PRPF38A: variants seen among roughly 807,000 people sequenced by gnomAD.
PRPF38A encodes the protein pre-mRNA processing factor 38A.
Under a neutral mutation model 46.8 loss-of-function variants are expected in PRPF38A, and 11 were observed. The ratio of observed to expected loss-of-function variants is 0.24; its 90% CI spans 0.15 to 0.39. The LOEUF (loss-of-function observed/expected upper bound fraction) is 0.39. Among genes scored for constraint, PRPF38A ranks in the 10% least tolerant of loss-of-function variants. PRPF38A has a pLI of 1.00. For missense variants in PRPF38A, 261 were observed against 407.5 expected, an observed-to-expected ratio of 0.64 and a Z score of 3.10; for synonymous variants, 124 against 136.2, an observed-to-expected ratio of 0.91 and a Z score of 0.62.
At chr1:52,412,290 A>G (rs1295730267) in intron 4 of PRPF38A, among the ~76,000 whole-genome samples, 2 of 152,208 alleles carry the variant, frequency 1.3e-5, no homozygotes, top group African/African-American at 4.8e-5. Flanking sequence ...GGTACAGGGA[A>G]TAGAGTCAAT....
chr1:52,406,267 C>T (rs1399154647), intron 2 of PRPF38A, among the ~76,000 whole-genome samples: 1 of 152,162 alleles, frequency 6.6e-6, no homozygotes, highest in Non-Finnish European at 1.5e-5. Context: ...GCTGGGATTA[C>T]AGGCATGAGC....
rs780524732 is a variant in PRPF38A, at chr1:52,404,819, A to G, written c.70A>G (p.Ile24Val). The G allele has an allele frequency of 1.2e-6, 2 of 1,614,142 alleles. No homozygotes were observed. The highest frequency in any genetic ancestry group is 1.7e-6 in the Non-Finnish European group (2 of 1,180,046). ...GTNPQYLVEK[I>V]IRTRIYESKY... ...CAACCCTCAATATCTGGTGGAGAAGATCATTCGAACGCGAATCTATGAGTC... is the reference window on the plus strand; with the variant it reads ...CAACCCTCAATATCTGGTGGAGAAGGTCATTCGAACGCGAATCTATGAGTC... The change falls in exon 1 of 10, where the codon ATC becomes GTC. Residue 24 changes from isoleucine (I) to valine (V), a missense_variant. Around this residue, in one of 2 missense-constraint regions of PRPF38A, gnomAD observed 81 missense variants for 186.5 expected, o/e 0.43. Coordinates refer to ENST00000257181, the MANE Select transcript of PRPF38A (RefSeq NM_032864.4).
chr1:52,407,703 T>G (rs1648037197), intron 2 of PRPF38A, among the ~76,000 whole-genome samples: 1 of 151,828 alleles, frequency 6.6e-6, no homozygotes, highest in African/African-American at 2.4e-5. Context: ...GGTGGATTGC[T>G]TGAGGTCAGG....
At chr1:52,411,300 T>C in intron 4 of PRPF38A, 100 bp downstream of exon 4, 1 of 773,294 alleles carries the variant, frequency 1.3e-6, no homozygotes, top group South Asian at 1.6e-5. Context: ...CCTGTGGATC[T>C]TATGGGTCCT....
rs201707621 is a variant in PRPF38A at position 52,415,362 on chromosome 1, G to A, written c.872G>A (p.Arg291Lys). 257 of 1,613,800 alleles carry A rather than the reference G, an allele frequency of 1.6e-4. No homozygotes were observed. Among genetic ancestry groups the A allele is most frequent in the Non-Finnish European group, 2.0e-4 (240 of 1,179,858 alleles). Residue 291 changes from arginine to lysine, a missense_variant, in exon 9 of 10, where the codon AGG becomes AAG. By Grantham distance (26) the Arg-to-Lys change is conservative (BLOSUM62 2). Transcript: ENST00000257181. ...GGTCATCACCGTAGTCACAGACACA[G>A]GAGCCACTCAAAGTCTCCCGAAAGG... ...SPGHHRSHRH[R>K]SHSKSPERSK... is the part of the protein sequence containing the mutation.
chr1:52,405,931 C>A, intron 2 of PRPF38A, 92 bp downstream of exon 2: 3 of 1,052,894 alleles, frequency 2.8e-6, no homozygotes, highest in Non-Finnish European at 4.3e-6. Context: ...CAATGTATCT[C>A]ATTTCTAGAG....
rs754992332 is a variant in PRPF38A at position 52,414,667 on chromosome 1, T to G, written c.749+20T>G. ...GAGAAGGTAGGCCTTCAGTCATTTG[T>G]GATGAAGGATAGGGCTTTGGGGAGG... On this transcript the variant is annotated intron_variant, in intron 7 of 9. Coordinates refer to ENST00000257181, the MANE Select transcript of PRPF38A (RefSeq NM_032864.4). 3 of 1,613,900 alleles carry G rather than the reference T, an allele frequency of 1.9e-6. No homozygotes were observed. In the South Asian group the frequency reaches 3.3e-5, roughly 18 times the overall value.
intron 2 of PRPF38A, among the ~76,000 whole-genome samples, chr1:52,406,788 C>A (rs1415551035): frequency 2.0e-5 from 3 of 152,194 alleles, no homozygotes; most frequent in African/African-American, 7.2e-5. Context: ...ACTTTCACAA[C>A]AACCTTCTAA....
intron 4 of PRPF38A, 103 bp downstream of exon 4, chr1:52,411,303 T>C (rs890950184): frequency 9.2e-5 from 70 of 757,908 alleles, no homozygotes; most frequent in Non-Finnish European, 1.4e-4. Flanking sequence ...GTGGATCTTA[T>C]GGGTCCTCTT....
At position 52,405,629 on chromosome 1, in the gene PRPF38A, A is replaced by G. The variant is rs574524018; in HGVS notation, c.131-51A>G. On this transcript the variant is annotated intron_variant, in intron 1 of 9. Coordinates refer to ENST00000257181, the MANE Select transcript of PRPF38A (RefSeq NM_032864.4). ...CAAAGCTTGAACTAACTCCACTCCA[A>G]CTAGGAAGAGCTTAGCCCTAATATG... is the stretch of plus-strand genomic sequence containing the variant. 1.3e-5 allele frequency: 21 copies of G among 1,582,254 alleles called. No individual in the cohort carries two copies. In the African/African-American group the frequency reaches 1.5e-4, roughly 11 times the overall value.
intron 9 of PRPF38A, 69 bp from the exon 10 acceptor site, chr1:52,416,579 G>C: frequency 8.0e-7 from 1 of 1,255,620 alleles, no homozygotes; most frequent in South Asian, 1.2e-5. Flanking sequence ...AAAGTGCTGG[G>C]ATTACAGGCG....
intron 5 of PRPF38A, among the ~76,000 whole-genome samples, 158 bp from the exon 6 acceptor site, chr1:52,413,721 A>C (rs2147958490): frequency 6.6e-6 from 1 of 152,302 alleles, no homozygotes; most frequent in Middle Eastern, 3.4e-3. Flanking sequence ...TTGTTAGTTA[A>C]TAGGGTAAGT....
intron 7 of PRPF38A, 46 bp from the exon 8 acceptor site, chr1:52,414,716 G>A (rs1311440797): frequency 3.7e-6 from 6 of 1,613,570 alleles, no homozygotes; most frequent in Non-Finnish European, 5.1e-6. Flanking sequence ...GGTGTTATAT[G>A]TATATTGCTA....
intron 1 of PRPF38A, 76 bp from the exon 2 acceptor site, chr1:52,405,604 C>A: frequency 7.0e-7 from 1 of 1,424,446 alleles, no homozygotes; most frequent in Non-Finnish European, 9.8e-7. Flanking sequence ...TTAGGAGAAC[C>A]AAAGCTTGAA....
chr1:52,405,974 T>C (rs1569971747), intron 2 of PRPF38A, 135 bp downstream of exon 2: 1 of 715,550 alleles, frequency 1.4e-6, no homozygotes. Flanking sequence ...TTTGAGCCCT[T>C]GAGTTTGTAT....
At chr1:52,409,651 C>T (rs563005175) in intron 3 of PRPF38A, 1 of 152,214 alleles carries the variant, frequency 6.6e-6, no homozygotes, top group South Asian at 2.1e-4. Flanking sequence ...CTTATTGATT[C>T]ATTCATTGAA....
At chr1:52,405,519 C>T (rs1332982601) in intron 1 of PRPF38A, among the ~76,000 whole-genome samples, 161 bp from the exon 2 acceptor site, 1 of 152,180 alleles carries the variant, frequency 6.6e-6, no homozygotes, top group Non-Finnish European at 1.5e-5. Flanking sequence ...TATCCATTCT[C>T]AATGTATATT....
chr1:52,406,864 TCAAA>T (rs1291392416), intron 2 of PRPF38A, among the ~76,000 whole-genome samples: 2 of 152,194 alleles, frequency 1.3e-5, no homozygotes, highest in African/African-American at 4.8e-5. Context: ...TTGCCCAAGT[TCAAA>T]CAGCTAGTAA....
chr1:52,412,132 T>G (rs554769387), intron 4 of PRPF38A, among the ~76,000 whole-genome samples: 1 of 152,280 alleles, frequency 6.6e-6, no homozygotes, highest in African/African-American at 2.4e-5. Context: ...TACTGGAGAT[T>G]TGGTACTACT....
Sources: gnomAD v4.1 joint callset for allele counts (sites outside exome capture counted in the v4.1 genomes callset) on GRCh38, gnomAD v4.1.1 for gene constraint, gnomAD v4.1.1 regional missense constraint, MANE v1.5 for transcripts, NCBI Gene and HGNC (gene_info 2026-07-23, HGNC 2026-07-21) for gene names.